The following PGBD2 variants were observed in gnomAD, a reference collection of about 807,000 sequenced individuals.
PGBD2 encodes piggyBac transposable element derived 2.
In PGBD2, 6 loss-of-function variants were observed where a neutral mutation model predicts 8.1. The observed-to-expected ratio is 0.74, with a 90% CI of 0.40 to 1.46. The LOEUF is 1.46. Among genes scored for constraint, PGBD2 ranks in the 40% most tolerant of loss-of-function variants. The probability of loss-of-function intolerance (pLI) is 0.02; values close to 1 mark genes in which losing one functional copy is unlikely to be tolerated. For missense variants in PGBD2, 802 were observed against 739.0 expected, an observed-to-expected ratio of 1.09 and a Z score of -0.99; for synonymous variants, 318 against 272.2, an observed-to-expected ratio of 1.17 and a Z score of -1.66.
At chr1:248,915,667 G>A (rs972770894) in intron 2 of PGBD2, among the ~76,000 whole-genome samples, 1 of 152,160 alleles carries the variant, frequency 6.6e-6, no homozygotes, top group South Asian at 2.1e-4. Context: ...ATGTCCACAG[G>A]GCCAGAGAGT....
chr1:248,904,625 A>T (rs1333460269), upstream of PGBD2, among the ~76,000 whole-genome samples: 2 of 152,208 alleles, frequency 1.3e-5, no homozygotes. Flanking sequence ...GCCATTCTCA[A>T]ATGTGCTAGG....
At chr1:248,882,928 G>A in the PGBD2 span, among the ~76,000 whole-genome samples, 2 of 152,098 alleles carry the variant, frequency 1.3e-5, no homozygotes, top group African/African-American at 4.8e-5. Context: ...CCCTACAAAT[G>A]TTTATGTCAG....
At chr1:248,921,315 G>A (rs1462944370), downstream of PGBD2, among the ~76,000 whole-genome samples, 7 of 152,148 alleles carry the variant, frequency 4.6e-5, no homozygotes, top group African/African-American at 1.4e-4. Context: ...GTTGATTTTT[G>A]TATAAGGTGT....
At chr1:248,908,893 T>C (rs780786876) in intron 1 of PGBD2, among the ~76,000 whole-genome samples, 2 of 152,110 alleles carry the variant, frequency 1.3e-5, no homozygotes, top group Non-Finnish European at 2.9e-5. Context: ...TTTCTGCAGC[T>C]CTCCATCATT....
the PGBD2 span, among the ~76,000 whole-genome samples, chr1:248,890,831 C>G: frequency 1.3e-5 from 2 of 151,028 alleles, no homozygotes; most frequent in Non-Finnish European, 3.0e-5. Context: ...ACACCACACA[C>G]ACCCACACAC....
the PGBD2 span, among the ~76,000 whole-genome samples, chr1:248,925,917 C>T: frequency 3.5e-4 from 54 of 152,248 alleles, no homozygotes; most frequent in South Asian, 3.7e-3. Context: ...TTACACTTCT[C>T]TGGACAAGTC....
the PGBD2 span, among the ~76,000 whole-genome samples, chr1:248,880,510 T>A: frequency 6.6e-6 from 1 of 152,250 alleles, no homozygotes; most frequent in African/African-American, 2.4e-5. Flanking sequence ...GATCATGTTC[T>A]ATATTCATCA....
chr1:248,910,001 G>A (rs753121330), intron 1 of PGBD2, among the ~76,000 whole-genome samples: 5 of 152,206 alleles, frequency 3.3e-5, no homozygotes, highest in Non-Finnish European at 7.3e-5. Flanking sequence ...CTGTCAGTCT[G>A]TATGTTAGCA....
intron 2 of PGBD2, 94 bp downstream of exon 2, chr1:248,913,973 C>G (rs1662003175): frequency 9.8e-7 from 1 of 1,015,324 alleles, no homozygotes; most frequent in African/African-American, 1.6e-5. Context: ...CTCTTGGCCT[C>G]AGTATAACAG....
At position 248,914,617 on chromosome 1, in the gene PGBD2, T is replaced by C. The variant is rs1001888697; in HGVS notation, c.17+738T>C. 3.9e-6 allele frequency: 5 copies of C among 1,286,776 alleles called. No individual in the cohort carries two copies. The African/African-American group carries it at 4.6e-5, about 12-fold the overall frequency. 79.7% of individuals were successfully genotyped at this position (1,286,776 alleles called of 1,614,324 possible). On this transcript the variant is annotated intron_variant, in intron 2 of 2. Transcript: ENST00000329291. ...TGCATCCTTCTGTTGGGATGGAGGG[T>C]CCTCACGTAGAGGTTGGGGCCTGCA... is the stretch of plus-strand genomic sequence containing the variant.
the PGBD2 span, among the ~76,000 whole-genome samples, chr1:248,900,147 C>G: frequency 1.4e-5 from 2 of 146,244 alleles, no homozygotes; most frequent in African/African-American, 5.0e-5. Context: ...TAGCTTAATT[C>G]TACCAGAGGT....
At chr1:248,875,541 T>C in the PGBD2 span, among the ~76,000 whole-genome samples, 3 of 152,314 alleles carry the variant, frequency 2.0e-5, no homozygotes, top group East Asian at 5.8e-4. Flanking sequence ...GCCCATTTTT[T>C]AAATTTGGGA....
the PGBD2 span, among the ~76,000 whole-genome samples, chr1:248,882,647 T>C: frequency 1.3e-5 from 2 of 152,128 alleles, no homozygotes; most frequent in East Asian, 3.9e-4. Flanking sequence ...GCCCCTCATG[T>C]GTCTGTTTAT....
intron 1 of PGBD2, among the ~76,000 whole-genome samples, chr1:248,911,218 A>C (rs928349993): frequency 3.3e-5 from 5 of 151,216 alleles, no homozygotes; most frequent in Admixed American, 2.0e-4. Context: ...CAGCAGATAA[A>C]CATGTGAACA....
chr1:248,874,191 G>A, the PGBD2 span, among the ~76,000 whole-genome samples: 1 of 152,148 alleles, frequency 6.6e-6, no homozygotes, highest in African/African-American at 2.4e-5. Flanking sequence ...TTCTATAGGA[G>A]ATACGTCACA....
the PGBD2 span, among the ~76,000 whole-genome samples, chr1:248,875,093 C>A: frequency 3.3e-5 from 5 of 151,986 alleles, no homozygotes; most frequent in South Asian, 1.0e-3. Flanking sequence ...GTCAGGAGAT[C>A]GAGACCATCC....
At position 248,918,885 on chromosome 1, in the gene PGBD2, T is replaced by C. The variant is rs77855003; in HGVS notation, c.*522T>C. The C allele has an allele frequency of 6.6e-3, 1,111 of 167,184 alleles. 8 individuals are homozygous for C. The highest frequency in any genetic ancestry group is 0.013 in the Non-Finnish European group (895 of 68,106). 10.4% of individuals were successfully genotyped at this position (167,184 alleles called of 1,614,324 possible). The stretch of plus-strand genomic sequence containing the variant: ...AGGTGCAGATTTCATATTTTCTTAA[T>C]GAAAATATTTTCCTAATACACATAT... On this transcript the variant is annotated 3_prime_UTR_variant, in exon 3 of 3. Coordinates refer to ENST00000329291, the MANE Select transcript of PGBD2 (RefSeq NM_170725.3).
At chr1:248,890,641 C>T in the PGBD2 span, among the ~76,000 whole-genome samples, 1 of 151,958 alleles carries the variant, frequency 6.6e-6, no homozygotes, top group African/African-American at 2.4e-5. Flanking sequence ...ACATTATACA[C>T]ACACCACACA....
At chr1:248,900,769 G>A in the PGBD2 span, among the ~76,000 whole-genome samples, 1 of 152,126 alleles carries the variant, frequency 6.6e-6, no homozygotes, top group East Asian at 1.9e-4. Flanking sequence ...AAGAAAGAAA[G>A]GTTATTCAAG....
Sources: gnomAD v4.1 joint callset for allele counts (sites outside exome capture counted in the v4.1 genomes callset) on GRCh38, gnomAD v4.1.1 for gene constraint, MANE v1.5 for transcripts, NCBI Gene and HGNC (gene_info 2026-07-23, HGNC 2026-07-21) for gene names.